Variants in DOLPP1 observed in about 807,000 individuals in gnomAD.
DOLPP1 encodes the protein dolichyldiphosphatase 1.
A neutral mutation model predicts 34.1 loss-of-function variants in DOLPP1; 15 were observed. That is an observed-to-expected ratio of 0.44 (90% CI 0.29 to 0.68). The LOEUF is 0.68. Among genes scored for constraint, DOLPP1 ranks in the 30% least tolerant of loss-of-function variants. The pLI, the probability that DOLPP1 is intolerant of heterozygous loss-of-function variation, is 0.12. For missense variants in DOLPP1, 249 were observed against 307.1 expected, an observed-to-expected ratio of 0.81 and a Z score of 1.41; for synonymous variants, 130 against 128.2, an observed-to-expected ratio of 1.01 and a Z score of -0.10.
Position 129,086,173 on chromosome 9 carries a change from C to G in DOLPP1, c.496C>G (p.Leu166Val), listed in dbSNP as rs1219366097. Reference sequence around the variant, plus strand: ...GCTGTACCACACCTGGAGCCAGGTGCTCTATGGAGGCATCGCTGGAGGCCT... The same window carrying G: ...GCTGTACCACACCTGGAGCCAGGTGGTCTATGGAGGCATCGCTGGAGGCCT... ...YLLYHTWSQV[L>V]YGGIAGGLMA... The change falls in exon 6 of 8, where the codon CTC becomes GTC. Residue 166 changes from leucine (L) to valine (V), a missense_variant. Coordinates refer to ENST00000372546, the MANE Select transcript of DOLPP1 (RefSeq NM_020438.5). The G allele has an allele frequency of 1.2e-6, 2 of 1,613,372 alleles. No homozygotes were observed. Among genetic ancestry groups the G allele is most frequent in the Admixed American group, 1.7e-5 (1 of 60,012 alleles).
chr9:129,081,152 C>G lies in DOLPP1; in HGVS notation c.21C>G (p.Cys7Trp). 6.2e-7 allele frequency: 1 copy of G among 1,609,744 alleles called. No homozygotes were observed. The highest frequency in any genetic ancestry group is 8.5e-7 in the Non-Finnish European group (1 of 1,179,480). The change falls in exon 1 of 8, where the codon TGC becomes TGG. Residue 7 changes from cysteine (C) to tryptophan (W), a missense_variant. Transcript: ENST00000372546. The stretch of plus-strand genomic sequence containing the variant: ...GTAAGATGGCAGCGGACGGACAGTG[C>G]TCGCTCCCCGCTTCATGGCGGCCGG... MAADGQ[C>W]SLPASWRPVT...
intron 1 of DOLPP1, 101 bp downstream of exon 1, chr9:129,081,308 C>T (rs1006993291): frequency 3.4e-6 from 5 of 1,458,128 alleles, no homozygotes; most frequent in Non-Finnish European, 4.6e-6. Context: ...GCCGGGGGAC[C>T]GGGGTGGGAA....
intron 7 of DOLPP1, among the ~76,000 whole-genome samples, chr9:129,088,190 T>G (rs1588433195): frequency 1.3e-4 from 14 of 106,914 alleles, no homozygotes; most frequent in African/African-American, 3.0e-4. Flanking sequence ...TGGGAGGGTG[T>G]TGTGGGGGTT....
At chr9:129,081,729 A>G (rs753054192) in intron 1 of DOLPP1, among the ~76,000 whole-genome samples, 5 of 152,194 alleles carry the variant, frequency 3.3e-5, no homozygotes, top group Non-Finnish European at 7.3e-5. Context: ...ATTCCACAAC[A>G]GAGAGGACCC....
At chr9:129,088,821 C>T in intron 7 of DOLPP1, 150 bp from the exon 8 acceptor site, 9 of 697,468 alleles carry the variant, frequency 1.3e-5, no homozygotes, top group Non-Finnish European at 2.3e-5. Context: ...ATTCCCAGGG[C>T]AGGTGCTCTG....
chr9:129,082,165 C>G (rs1298974599), intron 1 of DOLPP1, among the ~76,000 whole-genome samples: 1 of 152,190 alleles, frequency 6.6e-6, no homozygotes, highest in Admixed American at 6.5e-5. Context: ...CTCATTGAGC[C>G]CTGGTTGCCT....
chr9:129,088,062 C>T (rs1847026093), intron 7 of DOLPP1, among the ~76,000 whole-genome samples: 1 of 150,356 alleles, frequency 6.7e-6, no homozygotes, highest in Admixed American at 6.6e-5. Flanking sequence ...CTGCGACGCA[C>T]CTGCCTATGT....
intron 7 of DOLPP1, among the ~76,000 whole-genome samples, chr9:129,087,707 G>A (rs952930289): frequency 3.9e-5 from 6 of 152,090 alleles, no homozygotes; most frequent in Non-Finnish European, 7.4e-5. Flanking sequence ...ACTGTGGGGC[G>A]GGGTAGGGTG....
chr9:129,084,623 G>A (rs1325836700), intron 1 of DOLPP1, 45 bp from the exon 2 acceptor site: 2 of 1,373,956 alleles, frequency 1.5e-6, no homozygotes, highest in Non-Finnish European at 2.1e-6. Flanking sequence ...TCCCTCTTCT[G>A]ATGCCTGTGC....
rs1409511017 is a variant in DOLPP1, at chr9:129,085,195, T to C, written c.263-12T>C. The stretch of plus-strand genomic sequence containing the variant: ...ATCCCCCCGTGATGCCCTGGTCTCC[T>C]CTCTCTCCCAGGCCCCCACACAGCA... On this transcript the variant is annotated splice_polypyrimidine_tract_variant and intron_variant, in intron 3 of 7. Transcript: ENST00000372546. This position sits in a 1 kb window ranked among gnomAD's most constrained non-coding sequence, Gnocchi z 7.0. 1.2e-6 allele frequency: 2 copies of C among 1,613,396 alleles called. No individual in the cohort carries two copies. The highest frequency in any genetic ancestry group is 1.7e-6 in the Non-Finnish European group (2 of 1,179,558).
chr9:129,081,124 CG>C lies in DOLPP1; in HGVS notation c.-5del. The C allele has an allele frequency of 6.2e-7, 1 of 1,607,170 alleles. No homozygotes were observed. Among genetic ancestry groups the C allele is most frequent in the Non-Finnish European group, 8.5e-7 (1 of 1,179,058 alleles). On this transcript the variant is annotated 5_prime_UTR_variant, in exon 1 of 8. Coordinates refer to ENST00000372546, the MANE Select transcript of DOLPP1 (RefSeq NM_020438.5). ...TGGCTGCTCGAAGAAGCCCGGTCTC[CG>C]GGTAAGATGGCAGCGGACGGACAGT...
At chr9:129,086,359 G>A (rs997323903) in intron 6 of DOLPP1, 92 bp downstream of exon 6, 1 of 1,481,852 alleles carries the variant, frequency 6.7e-7, no homozygotes, top group Non-Finnish European at 9.1e-7. Context: ...CTTGACCCCA[G>A]CCCCTGTCTC....
intron 7 of DOLPP1, among the ~76,000 whole-genome samples, chr9:129,088,391 C>T (rs1318474891): frequency 6.6e-6 from 1 of 151,950 alleles, no homozygotes; most frequent in Non-Finnish European, 1.5e-5. Flanking sequence ...CTAGACAAAC[C>T]CCATTCTCCT....
chr9:129,089,022 T>A lies in DOLPP1; in HGVS notation c.*15T>A, dbSNP rs370995077. 1.9e-6 allele frequency: 3 copies of A among 1,613,702 alleles called. No individual in the cohort carries two copies. The African/African-American group carries it at 4.0e-5, about 22-fold the overall frequency. On this transcript the variant is annotated 3_prime_UTR_variant, in exon 8 of 8. Coordinates refer to ENST00000372546, the MANE Select transcript of DOLPP1 (RefSeq NM_020438.5). This position sits in a 1 kb window ranked among gnomAD's most constrained non-coding sequence, Gnocchi z 4.9. ...AACTGCAGTGACCAGTGGGTGTGGC[T>A]GGGTCCAGCCTCCAGATCTGGCCCG...
rs1342656514 is a variant in DOLPP1 at position 129,086,160 on chromosome 9, C to G, written c.483C>G (p.Thr161=). Residue 161 remains threonine (T), a synonymous_variant, in exon 6 of 8, where the codon ACC becomes ACG. Transcript: ENST00000372546. ...SYSRVYLLYH[T]WSQVLYGGIA... ...CCAGGGTCTACCTGCTGTACCACAC[C>G]TGGAGCCAGGTGCTCTATGGAGGCA... is the stretch of plus-strand genomic sequence containing the variant. 1 of 1,613,350 alleles carries G rather than the reference C, an allele frequency of 6.2e-7. No homozygotes were observed. Among genetic ancestry groups the G allele is most frequent in the African/African-American group, 1.3e-5 (1 of 74,930 alleles).
At chr9:129,086,002 C>T in intron 5 of DOLPP1, 137 bp from the exon 6 acceptor site, 1 of 815,766 alleles carries the variant, frequency 1.2e-6, no homozygotes. Flanking sequence ...GAGGCTGTGC[C>T]CCGTGGAGTC....
At chr9:129,082,163 G>T (rs1230436056) in intron 1 of DOLPP1, among the ~76,000 whole-genome samples, 5 of 152,210 alleles carry the variant, frequency 3.3e-5, no homozygotes, top group African/African-American at 1.2e-4. Flanking sequence ...CCCTCATTGA[G>T]CCCTGGTTGC....
At chr9:129,084,461 C>T (rs1846946547) in intron 1 of DOLPP1, 1 of 658,802 alleles carries the variant, frequency 1.5e-6, no homozygotes, top group Non-Finnish European at 2.7e-6. Context: ...GCTGTGTGCA[C>T]TTTAGTGCTA....
At chr9:129,082,948 T>C (rs1456450476) in intron 1 of DOLPP1, among the ~76,000 whole-genome samples, 2 of 152,166 alleles carry the variant, frequency 1.3e-5, no homozygotes, top group East Asian at 1.9e-4. Context: ...GGGACATATG[T>C]GTCTTTTTTT....
Sources: allele counts gnomAD v4.1 joint callset (sites outside exome capture counted in the v4.1 genomes callset), GRCh38; gene constraint gnomAD v4.1.1; non-coding constraint Gnocchi (gnomAD v3.1); transcripts MANE v1.5; gene names NCBI Gene and HGNC (gene_info 2026-07-23, HGNC 2026-07-21).